The following TTC19 variants were observed in gnomAD, a reference collection of about 807,000 sequenced individuals.
TTC19 encodes tetratricopeptide repeat domain 19.
In TTC19, 38 loss-of-function variants were observed where a neutral mutation model predicts 49.5. The observed-to-expected ratio is 0.77, with a 90% CI of 0.59 to 1.01. The LOEUF is 1.01. Among genes scored for constraint, TTC19 ranks in the 50% least tolerant of loss-of-function variants. TTC19 has a pLI of 0.00. For missense variants in TTC19, 475 were observed against 477.7 expected, an observed-to-expected ratio of 0.99 and a Z score of 0.05; for synonymous variants, 204 against 185.2, an observed-to-expected ratio of 1.10 and a Z score of -0.83.
chr17:16,011,787 G>C (rs1374751367), intron 7 of TTC19, among the ~76,000 whole-genome samples: 1 of 152,166 alleles, frequency 6.6e-6, no homozygotes, highest in Non-Finnish European at 1.5e-5. Context: ...TCTTCAGTGT[G>C]GGATTAAGAG....
In TTC19 at chr17:16,025,003, T is replaced by G. The variant is rs747300891; in HGVS notation, c.677-14T>G. 1.2e-6 allele frequency: 2 copies of G among 1,613,806 alleles called. No individual in the cohort carries two copies. Among genetic ancestry groups the G allele is most frequent in the East Asian group, 2.2e-5 (1 of 44,874 alleles). ...CCATTTGGGTAGATTTGCTGATTCC[T>G]CTTTTCTCCTTAGTGGAAGAGAAAG... On this transcript the variant is annotated splice_polypyrimidine_tract_variant and intron_variant, in intron 7 of 9. Coordinates refer to ENST00000261647, the MANE Select transcript of TTC19 (RefSeq NM_017775.4).
chr17:16,027,259 C>T (rs1435535214), intron 9 of TTC19, 115 bp from the exon 10 acceptor site: 16 of 1,234,488 alleles, frequency 1.3e-5, no homozygotes, highest in Admixed American at 9.8e-5. Context: ...ACCAGCTTGT[C>T]GCTTCATAAG....
chr17:16,037,677 A>C (rs2056697960), intron 2 of TTC19, among the ~76,000 whole-genome samples: 1 of 152,180 alleles, frequency 6.6e-6, no homozygotes, highest in African/African-American at 2.4e-5. Flanking sequence ...CCACACAAAG[A>C]AATAATATGT....
chr17:16,027,085 C>T (rs1287855872), intron 9 of TTC19: 6 of 518,290 alleles, frequency 1.2e-5, no homozygotes, highest in Non-Finnish European at 2.1e-5. Context: ...GCACACTATA[C>T]CGATCATTTT....
chr17:16,021,109 T>C lies in TTC19; in HGVS notation c.677-3908T>C, dbSNP rs147597683. ...CAGATATAAATAAAAGAAAGTTGGC[T>C]GGGCGCAGTGGCTCACGCCTGTAAT... is the stretch of plus-strand genomic sequence containing the variant. On this transcript the variant is annotated intron_variant, in intron 7 of 9. Coordinates refer to ENST00000261647, the MANE Select transcript of TTC19 (RefSeq NM_017775.4). Among the ~76,000 whole-genome samples, 886 of 152,242 alleles carry C rather than the reference T, an allele frequency of 5.8e-3. 8 individuals are homozygous for C. The highest frequency in any genetic ancestry group is 0.01 in the Non-Finnish European group (709 of 68,010).
In TTC19 at chr17:16,017,448, CAAAAAAAAAAAA is replaced by C. The variant is rs372559333; in HGVS notation, c.677-7558_677-7547del. Among the ~76,000 whole-genome samples, 76 of 53,712 alleles carry C rather than the reference CAAAAAAAAAAAA, an allele frequency of 1.4e-3. 1 individual carries two copies. The highest frequency in any genetic ancestry group is 0.011 in the Admixed American group (49 of 4,576). The allele number at this position is 53,712 out of a possible 152,430, so 35.2% of individuals were successfully genotyped here. On this transcript the variant is annotated intron_variant, in intron 7 of 9. Coordinates refer to ENST00000261647, the MANE Select transcript of TTC19 (RefSeq NM_017775.4). ...TGGGCGACAGAGTGAGACTCCGGCT[CAAAAAAAAAAAA>C]AAAAAAAAAAGTATTCAGGCTGGGT... is the stretch of plus-strand genomic sequence containing the variant.
At chr17:16,013,331 TAATA>T (rs1971128703) in intron 7 of TTC19, among the ~76,000 whole-genome samples, 1 of 152,258 alleles carries the variant, frequency 6.6e-6, no homozygotes, top group African/African-American at 2.4e-5. Context: ...TATTCATCTT[TAATA>T]AATACTGAGT....
At chr17:16,039,491 G>C in intron 2 of TTC19, 1 of 1,614,060 alleles carries the variant, frequency 6.2e-7, no homozygotes, top group East Asian at 2.2e-5. Flanking sequence ...TCACAACTGA[G>C]GTGTTGGCAG....
chr17:16,021,195 G>A (rs1226339943), intron 7 of TTC19, among the ~76,000 whole-genome samples: 1 of 152,114 alleles, frequency 6.6e-6, no homozygotes. Flanking sequence ...AGACCAGCCT[G>A]GCAAATATTG....
rs750768267 is a variant in TTC19 at position 16,001,904 on chromosome 17, T to G, written c.313-11T>G. 3.8e-6 allele frequency: 6 copies of G among 1,592,462 alleles called. No individual in the cohort carries two copies. In the South Asian group the frequency reaches 6.6e-5, roughly 18 times the overall value. On this transcript the variant is annotated splice_polypyrimidine_tract_variant and intron_variant, in intron 2 of 9. Transcript: ENST00000261647. ...TGTTTCATTTTCTATTATTTTGTCT[T>G]CCCTTTTCAGTTGAGCATTATGAAA...
intron 2 of TTC19, among the ~76,000 whole-genome samples, chr17:16,043,504 T>G (rs1394235520): frequency 1.3e-5 from 2 of 152,234 alleles, no homozygotes; most frequent in African/African-American, 2.4e-5. Context: ...ATCATACAGC[T>G]TCAGAGAATA....
rs1476229391 is a variant in TTC19, at chr17:16,029,223, C to T, written c.*1701C>T. The T allele has an allele frequency of 2.6e-5, 12 of 453,722 alleles. No homozygotes were observed. The highest frequency in any genetic ancestry group is 6.9e-5 in the East Asian group (1 of 14,402). The allele number at this position is 453,722 out of a possible 1,614,324, so 28.1% of individuals were successfully genotyped here. A position where few individuals can be genotyped will look rare whatever the true frequency, so the allele number is the denominator to read the frequency against. On this transcript the variant is annotated 3_prime_UTR_variant, in exon 10 of 10. Coordinates refer to ENST00000261647, the MANE Select transcript of TTC19 (RefSeq NM_017775.4). ...TCCACAGTGACTCAGCTCATGGTCT[C>T]GTTGTTGGAAACACTAGGAGTTTTC... is the stretch of plus-strand genomic sequence containing the variant.
chr17:16,036,439 C>A (rs1180750128), intron 2 of TTC19, among the ~76,000 whole-genome samples: 2 of 152,196 alleles, frequency 1.3e-5, no homozygotes, highest in African/African-American at 4.8e-5. Context: ...ACTTAAAAGT[C>A]ACCACCTGCA....
rs1258687999 is a variant in TTC19 at position 16,044,961 on chromosome 17, A to C, written c.*406A>C. 7.0e-6 allele frequency: 4 copies of C among 570,392 alleles called. No homozygotes were observed. In the East Asian group the frequency reaches 9.5e-5, roughly 14 times the overall value. 35.3% of individuals were successfully genotyped at this position (570,392 alleles called of 1,614,324 possible). On this transcript the variant is annotated 3_prime_UTR_variant, in exon 3 of 3. Coordinates refer to the TTC19 transcript ENST00000470649. ...CATGGGCTTTTGGTTGTTTTGACTA[A>C]ATTTCTTATAACGTGTTCAATACAA... is the stretch of plus-strand genomic sequence containing the variant.
intron 7 of TTC19, among the ~76,000 whole-genome samples, chr17:16,007,515 G>T (rs1358653504): frequency 2.0e-5 from 3 of 152,074 alleles, no homozygotes; most frequent in Non-Finnish European, 4.4e-5. Flanking sequence ...AGCACTTTAT[G>T]ACTTCTCTTT....
At chr17:16,026,396 A>G in intron 8 of TTC19, 144 bp from the exon 9 acceptor site, 2 of 747,972 alleles carry the variant, frequency 2.7e-6, no homozygotes, top group Non-Finnish European at 2.1e-6. Context: ...ATGCCCACAA[A>G]TTTGTTAAAG....
chr17:16,026,829 T>G, intron 9 of TTC19, 127 bp downstream of exon 9: 2 of 991,208 alleles, frequency 2.0e-6, no homozygotes, highest in Non-Finnish European at 3.1e-6. Context: ...AAAGACTGGT[T>G]GAATGGCAGA....
chr17:16,025,116 T>C lies in TTC19; in HGVS notation c.776T>C (p.Met259Thr), dbSNP rs1156298044. The change falls in exon 8 of 10, where the codon ATG becomes ACG. Residue 259 changes from methionine (M) to threonine (T), a missense_variant. By Grantham distance (81) the Met-to-Thr change is moderately conservative. Coordinates refer to ENST00000261647, the MANE Select transcript of TTC19 (RefSeq NM_017775.4). ...AAGCAGCCGTCACAGGCACAAAGGATGTATGAAAAAGCTCTGCAGATTTCT... is the reference window on the plus strand; with the variant it reads ...AAGCAGCCGTCACAGGCACAAAGGACGTATGAAAAAGCTCTGCAGATTTCT... Reference protein sequence around the residue: ...FSKQPSQAQRMYEKALQISEE... With the variant: ...FSKQPSQAQRTYEKALQISEE... 5.6e-6 allele frequency: 9 copies of C among 1,613,882 alleles called. No individual in the cohort carries two copies. Among genetic ancestry groups the C allele is most frequent in the Non-Finnish European group, 7.6e-6 (9 of 1,179,876 alleles).
Position 16,026,576 on chromosome 17 carries a change from G to A in TTC19, c.868G>A (p.Asp290Asn). 1 of 1,614,110 alleles carries A rather than the reference G, an allele frequency of 6.2e-7. No individual in the cohort carries two copies. Among genetic ancestry groups the A allele is most frequent in the Non-Finnish European group, 8.5e-7 (1 of 1,179,998 alleles). The stretch of plus-strand genomic sequence containing the variant: ...GATGAGTGACCTGGCTACTACCCTG[G>A]ATGCACAGGGCCGCTTTGATGAGGC... Reference protein sequence around the residue: ...VLMSDLATTLDAQGRFDEAYI... With the variant: ...VLMSDLATTLNAQGRFDEAYI... The change falls in exon 9 of 10, where the codon GAT becomes AAT. Residue 290 changes from aspartate to asparagine, a missense_variant. Transcript: ENST00000261647.
Sources: gnomAD v4.1 joint callset for allele counts (sites outside exome capture counted in the v4.1 genomes callset) on GRCh38, gnomAD v4.1.1 for gene constraint, MANE v1.5 for transcripts, NCBI Gene and HGNC (gene_info 2026-07-23, HGNC 2026-07-21) for gene names.